OR52E5: variants seen among roughly 807,000 people sequenced by gnomAD.
The protein encoded by OR52E5 is olfactory receptor 52E5.
At chr11:5,893,798 T>C (rs11039488) in intron 1 of OR52E5, among the ~76,000 whole-genome samples, 55,010 of 151,682 alleles carry the variant, frequency 0.36, 10,602 homozygotes, top group Non-Finnish European at 0.44. Flanking sequence ...CTAGATAATA[T>C]AGAAATACAA....
Position 5,901,476 on chromosome 11 carries a change from C to T in OR52E5, c.700C>T (p.Pro234Ser), listed in dbSNP as rs1471420334. Residue 234 changes from proline to serine, a missense_variant, in exon 3 of 3, where the codon CCT becomes TCT. Transcript: ENST00000610445. ...CCATCTCCCAGCCTGGGATGCCCGG[C>T]CTAAGGCACTCAGCACATGTGGCTC... ...VFHLPAWDAR[P>S]KALSTCGSHV... 5.0e-6 allele frequency: 2 copies of T among 401,642 alleles called. No homozygotes were observed. Among genetic ancestry groups the T allele is most frequent in the Non-Finnish European group, 8.8e-6 (2 of 226,394 alleles). The allele number at this position is 401,642 out of a possible 1,614,324, so 24.9% of individuals were successfully genotyped here. A position where few individuals can be genotyped will look rare whatever the true frequency, so the allele number is the denominator to read the frequency against.
At chr11:5,898,029 A>T (rs931536667) in intron 2 of OR52E5, among the ~76,000 whole-genome samples, 1 of 142,928 alleles carries the variant, frequency 7.0e-6, no homozygotes, top group African/African-American at 2.6e-5. Context: ...CACCAAGCTA[A>T]TTTTTTTTTT....
intron 2 of OR52E5, among the ~76,000 whole-genome samples, chr11:5,898,836 C>G (rs1847211125): frequency 6.6e-6 from 1 of 152,190 alleles, no homozygotes; most frequent in East Asian, 1.9e-4. Flanking sequence ...GTTTTGGCTA[C>G]TGCAGCCTTG....
chr11:5,901,203 A>G lies in OR52E5; in HGVS notation c.427A>G (p.Ile143Val), dbSNP rs115826489. The G allele has an allele frequency of 4.9e-3, 1,952 of 401,480 alleles. 38 individuals carry two copies. Among genetic ancestry groups the G allele is most frequent in the African/African-American group, 0.035 (1,701 of 48,732 alleles). 24.9% of individuals were successfully genotyped at this position (401,480 alleles called of 1,614,324 possible). A position where few individuals can be genotyped will look rare whatever the true frequency, so the allele number is the denominator to read the frequency against. ...RYSMILTNKVIAILGIVIIVR... is the reference protein window; with the variant it reads ...RYSMILTNKVVAILGIVIIVR... The stretch of plus-strand genomic sequence containing the variant: ...TAGCATGATCCTTACCAACAAGGTA[A>G]TAGCCATTCTGGGCATAGTCATCAT... The change falls in exon 3 of 3, where the codon ATA (isoleucine) becomes GTA (valine). Residue 143 changes from isoleucine (I) to valine (V), a missense_variant. Physicochemically the swap from Ile to Val is conservative, Grantham distance 29 (BLOSUM62 3). Coordinates refer to ENST00000610445, the MANE Select transcript of OR52E5 (RefSeq NM_001005166.5).
intron 1 of OR52E5, among the ~76,000 whole-genome samples, chr11:5,894,533 A>C (rs1200820144): frequency 6.6e-6 from 1 of 152,218 alleles, no homozygotes; most frequent in Non-Finnish European, 1.5e-5. Context: ...GTGGTGACTA[A>C]AGCTAGACAG....
intron 2 of OR52E5, among the ~76,000 whole-genome samples, chr11:5,899,511 T>C (rs1414253491): frequency 1.3e-5 from 2 of 152,176 alleles, no homozygotes; most frequent in African/African-American, 2.4e-5. Context: ...AGCCAAGTCA[T>C]AGGGATAGTT....
chr11:5,900,014 C>T (rs946065685), intron 2 of OR52E5, among the ~76,000 whole-genome samples: 2 of 152,066 alleles, frequency 1.3e-5, no homozygotes, highest in Non-Finnish European at 2.9e-5. Context: ...CATTATGAAG[C>T]GATTGCCCAT....
intron 1 of OR52E5, among the ~76,000 whole-genome samples, chr11:5,894,252 T>C (rs1274748714): frequency 1.3e-5 from 2 of 152,134 alleles, no homozygotes; most frequent in Non-Finnish European, 2.9e-5. Context: ...CCTGGAGGGC[T>C]TTTTAACAGA....
rs1230381124 is a variant in OR52E5, at chr11:5,900,862, T to C, written c.86T>C (p.Ile29Thr). The C allele has an allele frequency of 5.0e-6, 2 of 401,250 alleles. No individual in the cohort carries two copies. Among genetic ancestry groups the C allele is most frequent in the African/African-American group, 2.1e-5 (1 of 48,702 alleles). 24.9% of individuals were successfully genotyped at this position (401,250 alleles called of 1,614,324 possible). Residue 29 changes from isoleucine to threonine, a missense_variant, in exon 3 of 3, where the codon ATT becomes ACT. Coordinates refer to ENST00000610445, the MANE Select transcript of OR52E5 (RefSeq NM_001005166.5). Reference protein sequence around the residue: ...VPGLEDVHVWIGFPFFAVYLT... With the variant: ...VPGLEDVHVWTGFPFFAVYLT... ...GGGCTGGAAGATGTGCATGTATGGA[T>C]TGGCTTCCCCTTCTTTGCAGTGTAT... is the stretch of plus-strand genomic sequence containing the variant.
At chr11:5,895,915 G>A (rs775402072) in intron 2 of OR52E5, among the ~76,000 whole-genome samples, 2 of 152,056 alleles carry the variant, frequency 1.3e-5, no homozygotes, top group Admixed American at 1.3e-4. Flanking sequence ...CGGGCGTGGT[G>A]GTGGGCACCT....
Position 5,896,246 on chromosome 11 carries a change from T to TAAAAAAAAA in OR52E5, c.-146+550_-146+558dup, listed in dbSNP as rs56197568. ...TAACATGGTGAAACCTCGTCTCTAC[T>TAAAAAAAAA]AAAAAAAAAAAAAAAAAAAAAAAAA... is the stretch of plus-strand genomic sequence containing the variant. On this transcript the variant is annotated intron_variant, in intron 2 of 2. Transcript: ENST00000610445. 1.0e-3 allele frequency among the ~76,000 whole-genome samples: 55 copies of TAAAAAAAAA among 53,540 alleles called. 6 individuals carry two copies. The highest frequency in any genetic ancestry group is 3.1e-3 in the East Asian group (5 of 1,590). 35.1% of individuals were successfully genotyped at this position (53,540 alleles called of 152,430 possible).
intron 2 of OR52E5, among the ~76,000 whole-genome samples, chr11:5,899,823 A>C (rs1847224144): frequency 6.6e-6 from 1 of 152,182 alleles, no homozygotes; most frequent in Admixed American, 6.5e-5. Context: ...GCACACCAGA[A>C]AGACTCAATT....
At chr11:5,896,246 TAAAAAAAAAA>T (rs56197568) in intron 2 of OR52E5, among the ~76,000 whole-genome samples, 3 of 53,556 alleles carry the variant, frequency 5.6e-5, no homozygotes, top group South Asian at 9.3e-4. Context: ...TCGTCTCTAC[TAAAAAAAAAA>T]AAAAAAAAAA....
intron 2 of OR52E5, among the ~76,000 whole-genome samples, chr11:5,896,916 A>G (rs1307478703): frequency 2.0e-5 from 3 of 152,240 alleles, no homozygotes; most frequent in Non-Finnish European, 4.4e-5. Context: ...TTTCAAAAGC[A>G]CTGAAAAAAT....
At chr11:5,896,974 T>G (rs1847184945) in intron 2 of OR52E5, among the ~76,000 whole-genome samples, 2 of 152,288 alleles carry the variant, frequency 1.3e-5, no homozygotes, top group African/African-American at 4.8e-5. Flanking sequence ...TAACATAAAC[T>G]TAGTTATTAT....
At chr11:5,896,399 C>T (rs1167709432) in intron 2 of OR52E5, among the ~76,000 whole-genome samples, 19 of 136,242 alleles carry the variant, frequency 1.4e-4, no homozygotes, top group Middle Eastern at 4.0e-3. Flanking sequence ...CCAACCTGGG[C>T]GACAGAGTGG....
At chr11:5,900,531 T>G (rs964219896) in intron 2 of OR52E5, 101 bp from the exon 3 acceptor site, 7 of 341,496 alleles carry the variant, frequency 2.0e-5, no homozygotes, top group Middle Eastern at 7.5e-4. Context: ...AGTGCAGGAT[T>G]GCTATATTTT....
chr11:5,895,313 T>C (rs1243511703), intron 1 of OR52E5, among the ~76,000 whole-genome samples: 1 of 152,174 alleles, frequency 6.6e-6, no homozygotes, highest in Non-Finnish European at 1.5e-5. Context: ...AAATTGCATA[T>C]CACAAAAGAA....
chr11:5,900,153 G>A (rs1218863271), intron 2 of OR52E5, among the ~76,000 whole-genome samples: 1 of 152,102 alleles, frequency 6.6e-6, no homozygotes, highest in East Asian at 1.9e-4. Context: ...CTTTGAAGTT[G>A]TAAGAGGGAG....
Sources: gnomAD v4.1 joint callset for allele counts (sites outside exome capture counted in the v4.1 genomes callset) on GRCh38, gnomAD v4.1.1 for gene constraint, MANE v1.5 for transcripts, NCBI Gene and HGNC (gene_info 2026-07-23, HGNC 2026-07-21) for gene names.